Variants in CMTM4 observed in about 807,000 individuals in gnomAD.
CMTM4 encodes the protein CKLF like MARVEL transmembrane domain containing 4.
Under a neutral mutation model 19.0 loss-of-function variants are expected in CMTM4, and 8 were observed. The observed-to-expected ratio is 0.42, with a 90% CI of 0.25 to 0.76. CMTM4 has a LOEUF of 0.76. Ranked by LOEUF, CMTM4 falls within the 30% of genes least tolerant of loss-of-function variation. The pLI, the probability that CMTM4 is intolerant of heterozygous loss-of-function variation, is 0.27. For missense variants in CMTM4, 228 were observed against 290.2 expected, an observed-to-expected ratio of 0.79 and a Z score of 1.56; for synonymous variants, 106 against 121.1, an observed-to-expected ratio of 0.88 and a Z score of 0.82.
chr16:66,655,400 G>A (rs1401384302), intron 1 of CMTM4, among the ~76,000 whole-genome samples: 1 of 151,968 alleles, frequency 6.6e-6, no homozygotes, highest in African/African-American at 2.4e-5. Flanking sequence ...AAAGTAACAA[G>A]GGTTTCTTAG....
chr16:66,684,425 C>T (rs1353963852), intron 1 of CMTM4, among the ~76,000 whole-genome samples: 1 of 152,080 alleles, frequency 6.6e-6, no homozygotes, highest in African/African-American at 2.4e-5. Context: ...GATCTGCCTG[C>T]CTCAGCCTCC....
intron 1 of CMTM4, among the ~76,000 whole-genome samples, chr16:66,677,982 G>A (rs1348127702): frequency 6.6e-6 from 1 of 152,156 alleles, no homozygotes; most frequent in African/African-American, 2.4e-5. Flanking sequence ...ACAGGTATGA[G>A]CCACCGTGCC....
intron 1 of CMTM4, among the ~76,000 whole-genome samples, chr16:66,651,864 C>G (rs922895716): frequency 6.6e-6 from 1 of 152,212 alleles, no homozygotes; most frequent in African/African-American, 2.4e-5. Flanking sequence ...TTAAGACAAT[C>G]GAGCAATGAG....
In CMTM4 at chr16:66,620,798, C is replaced by T. The variant is rs916113728; in HGVS notation, c.*1260G>A. ...GGGAAAACCTGACAAACTAAAACAA[C>T]TTTTTTCCATAAAAGATATAATTAC... On this transcript the variant is annotated 3_prime_UTR_variant, in exon 4 of 4. Transcript: ENST00000394106. The T allele has an allele frequency of 1.2e-4, 118 of 985,504 alleles. No homozygotes were observed. Among genetic ancestry groups the T allele is most frequent in the Non-Finnish European group, 1.3e-4 (109 of 829,856 alleles). The allele number at this position is 985,504 out of a possible 1,614,324, so 61.0% of individuals were successfully genotyped here.
At chr16:66,680,341 T>C (rs1035750511) in intron 1 of CMTM4, among the ~76,000 whole-genome samples, 2 of 151,014 alleles carry the variant, frequency 1.3e-5, no homozygotes, top group Non-Finnish European at 2.9e-5. Flanking sequence ...TGGCCAGGTG[T>C]GGTGGTGGGT....
chr16:66,664,376 G>A (rs2016554533), intron 1 of CMTM4, among the ~76,000 whole-genome samples: 1 of 152,012 alleles, frequency 6.6e-6, no homozygotes, highest in African/African-American at 2.4e-5. Flanking sequence ...AGTAGTGAAA[G>A]AAAAGCAACA....
intron 1 of CMTM4, among the ~76,000 whole-genome samples, chr16:66,676,846 A>G (rs886850574): frequency 2.6e-5 from 4 of 152,240 alleles, no homozygotes; most frequent in East Asian, 1.9e-4. Context: ...ACAGTAGAAC[A>G]TAAGTATTCC....
chr16:66,601,338 G>A, the CMTM4 span, among the ~76,000 whole-genome samples: 1 of 152,200 alleles, frequency 6.6e-6, no homozygotes, highest in Non-Finnish European at 1.5e-5. Context: ...ACTGACAGTG[G>A]GTAGCTCTTC....
the CMTM4 span, among the ~76,000 whole-genome samples, chr16:66,598,950 C>T: frequency 1.3e-5 from 2 of 151,850 alleles, no homozygotes; most frequent in Non-Finnish European, 2.9e-5. Context: ...GCCAGGGCAA[C>T]ATATTGAGAC....
At chr16:66,609,867 T>A, downstream of CMTM4, 1 of 1,614,142 alleles carries the variant, frequency 6.2e-7, no homozygotes, top group South Asian at 1.1e-5. This position sits in a 1 kb window ranked among gnomAD's most constrained non-coding sequence, Gnocchi z 4.4. Context: ...ATGCATCCCA[T>A]CCACCCTGTC....
intron 2 of CMTM4, among the ~76,000 whole-genome samples, chr16:66,625,291 G>A (rs188740443): frequency 1.7e-4 from 26 of 152,106 alleles, no homozygotes; most frequent in Admixed American, 7.9e-4. Flanking sequence ...AAAATTAGCC[G>A]GGTGTGGTGG....
intron 1 of CMTM4, among the ~76,000 whole-genome samples, chr16:66,691,261 G>A (rs888270284): frequency 3.9e-5 from 6 of 152,004 alleles, no homozygotes; most frequent in East Asian, 1.9e-4. Flanking sequence ...CCCAGTTTGC[G>A]ACCAACCTGG....
chr16:66,682,745 A>G (rs1474309250), intron 1 of CMTM4, among the ~76,000 whole-genome samples: 1 of 152,086 alleles, frequency 6.6e-6, no homozygotes, highest in African/African-American at 2.4e-5. Flanking sequence ...TAAAAAAAAA[A>G]TCACTATGAC....
chr16:66,625,914 CAT>C (rs778593202), intron 2 of CMTM4, among the ~76,000 whole-genome samples: 80 of 152,214 alleles, frequency 5.3e-4, no homozygotes, highest in Admixed American at 1.7e-3. Flanking sequence ...TCAGTGGCCA[CAT>C]GTGACAAGTG....
chr16:66,654,894 C>T (rs2016370112), intron 1 of CMTM4, among the ~76,000 whole-genome samples: 1 of 152,154 alleles, frequency 6.6e-6, no homozygotes, highest in South Asian at 2.1e-4. Context: ...TGTGAAAGGG[C>T]CAACAGAGCC....
At chr16:66,656,009 T>C (rs1364353212) in intron 1 of CMTM4, among the ~76,000 whole-genome samples, 1 of 151,872 alleles carries the variant, frequency 6.6e-6, no homozygotes, top group Non-Finnish European at 1.5e-5. Flanking sequence ...GGAGGCTGAG[T>C]TGGGAGGATC....
intron 1 of CMTM4, among the ~76,000 whole-genome samples, chr16:66,655,274 C>A (rs2016378576): frequency 6.6e-6 from 1 of 152,074 alleles, no homozygotes; most frequent in African/African-American, 2.4e-5. Context: ...CCCAGCTGAA[C>A]TTATTTCTTT....
Position 66,621,726 on chromosome 16 carries a change from A to T in CMTM4, c.*332T>A. 1 of 1,112,110 alleles carries T rather than the reference A, an allele frequency of 9.0e-7. No homozygotes were observed. The highest frequency in any genetic ancestry group is 1.6e-5 in the African/African-American group (1 of 62,996). The allele number at this position is 1,112,110 out of a possible 1,614,324, so 68.9% of individuals were successfully genotyped here. On this transcript the variant is annotated 3_prime_UTR_variant, in exon 4 of 4. Coordinates refer to ENST00000394106, the MANE Select transcript of CMTM4 (RefSeq NM_181521.3). ...TCCTTCATATTTCCCCCCTCTTAGC[A>T]GCCCCATTTAATCCAAAGTCTTGTT... is the stretch of plus-strand genomic sequence containing the variant.
At chr16:66,609,289 G>T in the CMTM4 span, 1 of 668,786 alleles carries the variant, frequency 1.5e-6, no homozygotes, top group Non-Finnish European at 2.6e-6. This position sits in a 1 kb window ranked among gnomAD's most constrained non-coding sequence, Gnocchi z 4.4. Context: ...GTGGGACAAG[G>T]GCCTAGGCAT....
Sources: gnomAD v4.1 joint callset for allele counts (sites outside exome capture counted in the v4.1 genomes callset) on GRCh38, gnomAD v4.1.1 for gene constraint, Gnocchi (gnomAD v3.1) non-coding constraint, MANE v1.5 for transcripts, NCBI Gene and HGNC (gene_info 2026-07-23, HGNC 2026-07-21) for gene names.